Variants in C8orf34 observed in about 807,000 individuals in gnomAD.
C8orf34 encodes chromosome 8 open reading frame 34.
In C8orf34, 65 loss-of-function variants were observed where a neutral mutation model predicts 68.3. The ratio of observed to expected loss-of-function variants is 0.95; its 90% CI spans 0.78 to 1.17. C8orf34 has a LOEUF of 1.17. Among genes scored for constraint, C8orf34 ranks in the 50% most tolerant of loss-of-function variants. The pLI, the probability that C8orf34 is intolerant of heterozygous loss-of-function variation, is 0.00. For synonymous variants in C8orf34, 244 were observed against 241.2 expected, an observed-to-expected ratio of 1.01 and a Z score of -0.11; for missense variants, 664 against 655.4, an observed-to-expected ratio of 1.01 and a Z score of -0.14.
chr8:68,411,844 C>T (rs1270601126), intron 1 of C8orf34, among the ~76,000 whole-genome samples: 4 of 152,170 alleles, frequency 2.6e-5, no homozygotes, highest in African/African-American at 9.6e-5. Context: ...GTGTTTAGGG[C>T]TTGCTGTTGA....
chr8:68,404,222 C>G (rs4285469), intron 1 of C8orf34, among the ~76,000 whole-genome samples: 1 of 151,874 alleles, frequency 6.6e-6, no homozygotes, highest in African/African-American at 2.4e-5. Context: ...TTGATAGGGT[C>G]GTTTGTTTTT....
chr8:68,456,732 G>A (rs1340829317), intron 3 of C8orf34, among the ~76,000 whole-genome samples: 2 of 151,708 alleles, frequency 1.3e-5, no homozygotes, highest in Non-Finnish European at 1.5e-5. Context: ...GCCTTGTAAT[G>A]TTTTGGCATT....
At position 68,462,838 on chromosome 8, in the gene C8orf34, A is replaced by C. The variant is rs552496630; in HGVS notation, c.608-5854A>C. On this transcript the variant is annotated intron_variant, in intron 3 of 13. Coordinates refer to ENST00000518698, the MANE Select transcript of C8orf34 (RefSeq NM_052958.4). ...ACACTAAATGCCCACAAAAGAAAGCAGGAAAGATCCAAAATTGACACCCTA... is the reference window on the plus strand; with the variant it reads ...ACACTAAATGCCCACAAAAGAAAGCCGGAAAGATCCAAAATTGACACCCTA... 4.3e-3 allele frequency among the ~76,000 whole-genome samples: 650 copies of C among 152,300 alleles called. 8 individuals are homozygous for C. The highest frequency in any genetic ancestry group is 0.015 in the African/African-American group (628 of 41,534).
intron 1 of C8orf34, among the ~76,000 whole-genome samples, chr8:68,376,606 TCTC>T (rs969282998): frequency 1.3e-5 from 2 of 151,380 alleles, no homozygotes; most frequent in African/African-American, 4.9e-5. Context: ...TGTGCATCTT[TCTC>T]CTTTTTTTTT....
intron 5 of C8orf34, among the ~76,000 whole-genome samples, chr8:68,488,947 G>C (rs1447310224): frequency 2.0e-5 from 3 of 151,494 alleles, no homozygotes; most frequent in Non-Finnish European, 4.4e-5. Context: ...ATTGATATTA[G>C]ATATCTAAAC....
chr8:68,581,064 A>G (rs1490058198), intron 7 of C8orf34, among the ~76,000 whole-genome samples: 1 of 152,106 alleles, frequency 6.6e-6, no homozygotes, highest in East Asian at 1.9e-4. Flanking sequence ...AGGAAAACTG[A>G]CAGAGACAGA....
chr8:68,741,601 T>C (rs1822295705), intron 10 of C8orf34, among the ~76,000 whole-genome samples: 1 of 152,196 alleles, frequency 6.6e-6, no homozygotes, highest in Non-Finnish European at 1.5e-5. Flanking sequence ...TTATCTTCAG[T>C]TCCCTCCACC....
intron 7 of C8orf34, chr8:68,625,658 A>G (rs1351051650): frequency 1.4e-6 from 1 of 701,256 alleles, no homozygotes; most frequent in Non-Finnish European, 2.6e-6. Flanking sequence ...TGGGAAAGGT[A>G]TGTCATGTGC....
intron 10 of C8orf34, among the ~76,000 whole-genome samples, chr8:68,754,274 T>C (rs1456897646): frequency 3.3e-5 from 5 of 152,176 alleles, no homozygotes; most frequent in Admixed American, 6.5e-5. Flanking sequence ...CCTGAAAAAG[T>C]GTATCCTGAA....
chr8:68,727,327 G>A (rs893532506), intron 10 of C8orf34, among the ~76,000 whole-genome samples: 7 of 152,190 alleles, frequency 4.6e-5, no homozygotes, highest in Non-Finnish European at 8.8e-5. Flanking sequence ...GGGTTCCCAC[G>A]GTCTTGGGCA....
At position 68,582,673 on chromosome 8, in the gene C8orf34, A is replaced by G. The variant is rs184097762; in HGVS notation, c.1105+49524A>G. ...AAAGTACTCAGTATACCAAAGCACC[A>G]TATTTTAGGTATTACTCGTTTTTTG... On this transcript the variant is annotated intron_variant, in intron 7 of 13. Transcript: ENST00000518698. 4.1e-3 allele frequency among the ~76,000 whole-genome samples: 619 copies of G among 152,192 alleles called. 5 individuals are homozygous for G. The highest frequency in any genetic ancestry group is 0.014 in the African/African-American group (590 of 41,548).
intron 10 of C8orf34, among the ~76,000 whole-genome samples, chr8:68,739,614 C>A (rs773756253): frequency 2.5e-4 from 38 of 151,970 alleles, no homozygotes; most frequent in Admixed American, 9.2e-4. Context: ...TGAAACAACA[C>A]CCCAAGCTCA....
At chr8:68,514,783 C>A (rs1171322552) in intron 5 of C8orf34, among the ~76,000 whole-genome samples, 1 of 152,054 alleles carries the variant, frequency 6.6e-6, no homozygotes, top group African/African-American at 2.4e-5. Flanking sequence ...TATAATTGGT[C>A]TTATTTTCAT....
chr8:68,813,268 A>G (rs894564778), intron 12 of C8orf34, among the ~76,000 whole-genome samples: 1 of 152,218 alleles, frequency 6.6e-6, no homozygotes, highest in African/African-American at 2.4e-5. Context: ...TCCTACTTCA[A>G]AAGAAAAGGA....
At chr8:68,791,139 C>A (rs1342986546) in intron 12 of C8orf34, 3 of 437,942 alleles carry the variant, frequency 6.9e-6, no homozygotes, top group Non-Finnish European at 1.2e-5. Flanking sequence ...CTGCCTGAGA[C>A]TGGGTAATTG....
chr8:68,401,781 G>T (rs1021752738), intron 1 of C8orf34, among the ~76,000 whole-genome samples: 10 of 151,820 alleles, frequency 6.6e-5, no homozygotes, highest in Admixed American at 6.6e-4. Flanking sequence ...TTAACATTCT[G>T]TTGTGATTCA....
chr8:68,794,285 C>T (rs748030410), intron 12 of C8orf34, among the ~76,000 whole-genome samples: 3 of 151,392 alleles, frequency 2.0e-5, no homozygotes, highest in East Asian at 3.9e-4. Flanking sequence ...GATCCTCCCA[C>T]CTCAGCCTCC....
At chr8:68,633,452 CACTT>C (rs1230703860) in intron 7 of C8orf34, among the ~76,000 whole-genome samples, 1 of 152,194 alleles carries the variant, frequency 6.6e-6, no homozygotes. Context: ...ATTCTTCTCT[CACTT>C]ACTAGACAGT....
At chr8:68,705,282 A>G (rs552677258) in intron 8 of C8orf34, among the ~76,000 whole-genome samples, 7 of 152,272 alleles carry the variant, frequency 4.6e-5, no homozygotes, top group African/African-American at 1.7e-4. Flanking sequence ...AAAGTGGTTG[A>G]GATGATTCAG....
Sources: allele counts gnomAD v4.1 joint callset (sites outside exome capture counted in the v4.1 genomes callset), GRCh38; gene constraint gnomAD v4.1.1; transcripts MANE v1.5; gene names NCBI Gene and HGNC (gene_info 2026-07-23, HGNC 2026-07-21).